ADGRD1: variants seen among roughly 807,000 people sequenced by gnomAD.
ADGRD1 encodes G-protein coupled receptor 133.
A neutral mutation model predicts 113.4 loss-of-function variants in ADGRD1; 77 were observed. That is an observed-to-expected ratio of 0.68 (90% CI 0.57 to 0.82). ADGRD1 has a LOEUF of 0.82. ADGRD1 is among the 40% of genes least tolerant of loss of function. The pLI, the probability that ADGRD1 is intolerant of heterozygous loss-of-function variation, is 0.00. For synonymous variants in ADGRD1, 474 were observed against 475.0 expected, an observed-to-expected ratio of 1.00 and a Z score of 0.03; for missense variants, 1,036 against 1,139.1, an observed-to-expected ratio of 0.91 and a Z score of 1.30.
At position 130,965,377 on chromosome 12, in the gene ADGRD1, A is replaced by G. The variant is rs1870892103; in HGVS notation, c.104-1086A>G. Among the ~76,000 whole-genome samples the G allele has an allele frequency of 6.6e-6, 1 of 152,174 alleles. No homozygotes were observed. Among genetic ancestry groups the G allele is most frequent in the Non-Finnish European group, 1.5e-5 (1 of 68,036 alleles). On this transcript the variant is annotated intron_variant, in intron 2 of 24. Coordinates refer to ENST00000261654, the MANE Select transcript of ADGRD1 (RefSeq NM_198827.5). The surrounding 1 kb of genome is among the most constrained non-coding windows in gnomAD (Gnocchi z 4.8). Reference sequence around the variant, plus strand: ...AATGATCTTATTATCTCCTCTTTAAAAAGTATTTTTTTTAAAAAAACAAGG... The same window carrying G: ...AATGATCTTATTATCTCCTCTTTAAGAAGTATTTTTTTTAAAAAAACAAGG...
At chr12:131,030,390 G>C (rs116823779) in intron 13 of ADGRD1, among the ~76,000 whole-genome samples, 7,334 of 151,530 alleles carry the variant, frequency 0.048, 389 homozygotes, top group African/African-American at 0.12. Flanking sequence ...CGCTGAAATT[G>C]TTGGGGCAGT....
At chr12:130,997,199 C>CG (rs1555241582) in intron 8 of ADGRD1, among the ~76,000 whole-genome samples, 1 of 140,250 alleles carries the variant, frequency 7.1e-6, no homozygotes, top group Non-Finnish European at 1.6e-5. Flanking sequence ...CCCCCCCCCC[C>CG]GGACGGGGCA....
In ADGRD1 at chr12:131,022,562, G is replaced by A. The variant is rs548583747; in HGVS notation, c.1473+8222G>A. 2.6e-4 allele frequency among the ~76,000 whole-genome samples: 39 copies of A among 152,264 alleles called. No individual in the cohort carries two copies. The South Asian group carries it at 6.8e-3, about 27-fold the overall frequency. ...TATTTCATCCCACAGGGCGCTGTCC[G>A]GCTCTATCATTACGGATTCTGTTGC... is the stretch of plus-strand genomic sequence containing the variant. On this transcript the variant is annotated intron_variant, in intron 13 of 24. Coordinates refer to ENST00000261654, the MANE Select transcript of ADGRD1 (RefSeq NM_198827.5). This position sits in a 1 kb window ranked among gnomAD's most constrained non-coding sequence, Gnocchi z 4.6.
chr12:130,958,007 C>A (rs1238258635), intron 2 of ADGRD1: 1 of 152,592 alleles, frequency 6.6e-6, no homozygotes, highest in East Asian at 1.9e-4. Flanking sequence ...GACACATTTG[C>A]TGAATATTTA....
chr12:131,083,457 A>G (rs939983779), intron 14 of ADGRD1, among the ~76,000 whole-genome samples: 23 of 152,158 alleles, frequency 1.5e-4, no homozygotes, highest in Middle Eastern at 3.2e-3. Flanking sequence ...AAAGAAAAGT[A>G]TTAATTGGGC....
chr12:130,993,694 A>G (rs11061274), intron 8 of ADGRD1: 72,616 of 151,958 alleles, frequency 0.48, 17,813 homozygotes, highest in African/African-American at 0.54. Context: ...TGTCTCAGGT[A>G]CTTCTGGCTG....
rs764802429 is a variant in ADGRD1 at position 131,120,858 on chromosome 12, CGTT to C, written c.2122_2124del (p.Leu708del). 3.1e-6 allele frequency: 5 copies of C among 1,614,234 alleles called. No individual in the cohort carries two copies. Among genetic ancestry groups the C allele is most frequent in the Non-Finnish European group, 3.4e-6 (4 of 1,180,036 alleles). ...GCTTCCCTCCGCAGTTGCTGGCTGT[CGTT>C]GGCGAGTGGCGCCATCTGGGCCTTT... On this transcript the variant is annotated inframe_deletion, in exon 20 of 25. Transcript: ENST00000261654.
intron 13 of ADGRD1, among the ~76,000 whole-genome samples, chr12:131,034,229 T>C (rs904261773): frequency 4.6e-5 from 7 of 152,136 alleles, no homozygotes; most frequent in Non-Finnish European, 8.8e-5. Context: ...CCCATTCCAC[T>C]CCGCTCCCGC....
chr12:131,137,810 G>GACCCCCCCCCCCCCCCC, intron 23 of ADGRD1: 1 of 158,826 alleles, frequency 6.3e-6, no homozygotes, highest in Non-Finnish European at 1.4e-5. Flanking sequence ...AGCCATGGAA[G>GACCCCCCCCCCCCCCCC]CCCGCCCGCC....
rs1054281828 is a variant in ADGRD1 at position 130,966,011 on chromosome 12, G to A, written c.104-452G>A. ...GAGGAAGTGCTTGTTAAGGACCTCA[G>A]TGTCTGGCATACCATTCATGTTAGT... On this transcript the variant is annotated intron_variant, in intron 2 of 24. Coordinates refer to ENST00000261654, the MANE Select transcript of ADGRD1 (RefSeq NM_198827.5). This position sits in a 1 kb window ranked among gnomAD's most constrained non-coding sequence, Gnocchi z 4.6. 6.6e-5 allele frequency among the ~76,000 whole-genome samples: 10 copies of A among 152,230 alleles called. No individual in the cohort carries two copies. The highest frequency in any genetic ancestry group is 2.1e-4 in the South Asian group (1 of 4,836).
At chr12:131,122,907 C>T (rs1950633789) in intron 20 of ADGRD1, among the ~76,000 whole-genome samples, 2 of 152,170 alleles carry the variant, frequency 1.3e-5, no homozygotes, top group Non-Finnish European at 2.9e-5. Context: ...CACTAGAGTC[C>T]CTTTTGTCAT....
intron 13 of ADGRD1, among the ~76,000 whole-genome samples, chr12:131,040,443 T>C (rs1882002819): frequency 6.6e-6 from 1 of 152,220 alleles, no homozygotes; most frequent in Non-Finnish European, 1.5e-5. Flanking sequence ...CTCCATAAAA[T>C]CATGTGTTTG....
chr12:131,035,771 A>G lies in ADGRD1; in HGVS notation c.1473+21431A>G, dbSNP rs540629895. Among the ~76,000 whole-genome samples the G allele has an allele frequency of 3.2e-4, 48 of 152,350 alleles. No homozygotes were observed. The South Asian group carries it at 6.2e-3, about 20-fold the overall frequency. On this transcript the variant is annotated intron_variant, in intron 13 of 24. Coordinates refer to ENST00000261654, the MANE Select transcript of ADGRD1 (RefSeq NM_198827.5). ...AACAATGTTAATAGGAGCCAAATCA[A>G]AAGGAGAAAAATGGATCCATTTTCC...
chr12:131,052,187 A>G lies in ADGRD1; in HGVS notation c.1474-24614A>G, dbSNP rs1005638599. Among the ~76,000 whole-genome samples the G allele has an allele frequency of 5.3e-4, 80 of 152,206 alleles. 1 individual carries two copies. The highest frequency in any genetic ancestry group is 9.9e-4 in the Non-Finnish European group (67 of 67,988). ...AAGGGGAGGCTGCTGCTGCTCCACAAATTGGAAAAGCTCTGCCTGGGAACA... is the reference window on the plus strand; with the variant it reads ...AAGGGGAGGCTGCTGCTGCTCCACAGATTGGAAAAGCTCTGCCTGGGAACA... On this transcript the variant is annotated intron_variant, in intron 13 of 24. Transcript: ENST00000261654.
chr12:131,104,961 A>C, intron 16 of ADGRD1, 27 bp downstream of exon 16: 1 of 1,447,666 alleles, frequency 6.9e-7, no homozygotes, highest in Non-Finnish European at 9.4e-7. Flanking sequence ...AATCCACCCA[A>C]CAGTCTCTCG....
chr12:131,022,141 A>G lies in ADGRD1; in HGVS notation c.1473+7801A>G, dbSNP rs369932976. On this transcript the variant is annotated intron_variant, in intron 13 of 24. Transcript: ENST00000261654. The surrounding 1 kb of genome is among the most constrained non-coding windows in gnomAD (Gnocchi z 4.6). ...TGAGGTCTTGGGGGTTAGGGCTTCA[A>G]CAGGTGACTTTAGTGGGGAGCAATT... 2.6e-5 allele frequency among the ~76,000 whole-genome samples: 4 copies of G among 152,318 alleles called. No homozygotes were observed. The South Asian group carries it at 6.2e-4, about 24-fold the overall frequency.
In ADGRD1 at chr12:131,136,114, G is replaced by T. The variant is rs778308197; in HGVS notation, c.2345G>T (p.Gly782Val). The T allele has an allele frequency of 6.2e-7, 1 of 1,614,202 alleles. No individual in the cohort carries two copies. The highest frequency in any genetic ancestry group is 1.7e-5 in the Admixed American group (1 of 60,032). Residue 782 changes from glycine to valine, a missense_variant, in exon 22 of 25, where the codon GGT becomes GTT. Coordinates refer to ENST00000261654, the MANE Select transcript of ADGRD1 (RefSeq NM_198827.5). ...GTCTTTGGCGTGCTTGCTGTCAACG[G>T]TTGTGCTGTGGTTTTCCAGTACATG... The part of the protein sequence containing the change: ...SWVFGVLAVN[G>V]CAVVFQYMFA...
intron 13 of ADGRD1, chr12:131,023,437 C>T (rs1230978970): frequency 6.6e-6 from 1 of 151,838 alleles, no homozygotes; most frequent in African/African-American, 2.4e-5. Context: ...ACCCTGTTCC[C>T]ACCCACTTCC....
At chr12:131,002,717 GCTCTGGGTGCCGGCAC>G (rs1876546361) in intron 9 of ADGRD1, 2 of 1,240,464 alleles carry the variant, frequency 1.6e-6, no homozygotes, top group Non-Finnish European at 2.1e-6. Context: ...GCCAGAGATA[GCTCTGGGTGCCGGCAC>G]CTCGGAAGCA....
Sources: gnomAD v4.1 joint callset for allele counts (sites outside exome capture counted in the v4.1 genomes callset) on GRCh38, gnomAD v4.1.1 for gene constraint, Gnocchi (gnomAD v3.1) non-coding constraint, MANE v1.5 for transcripts, NCBI Gene and HGNC (gene_info 2026-07-23, HGNC 2026-07-21) for gene names.